PAX5: variants seen among roughly 807,000 people sequenced by gnomAD.
The protein encoded by PAX5 is paired box protein Pax-5.
A neutral mutation model predicts 43.7 loss-of-function variants in PAX5; 9 were observed. That is an observed-to-expected ratio of 0.21 (90% CI 0.12 to 0.36). The LOEUF (loss-of-function observed/expected upper bound fraction) is 0.36, where lower values mean the gene tolerates loss of function less well. Ranked by LOEUF, PAX5 falls within the 10% of genes least tolerant of loss-of-function variation. PAX5 has a pLI of 1.00. For synonymous variants in PAX5, 228 were observed against 214.3 expected (o/e 1.06, Z -0.56); for missense variants, 383 against 532.7 (o/e 0.72, Z 2.77).
intron 5 of PAX5, among the ~76,000 whole-genome samples, chr9:36,971,904 T>C (rs1834951764): frequency 6.6e-6 from 1 of 152,266 alleles, no homozygotes. Flanking sequence ...AAGAGAAAGC[T>C]GTCTCTTGTG....
intron 6 of PAX5, among the ~76,000 whole-genome samples, chr9:36,937,530 C>T (rs1320716692): frequency 6.6e-6 from 1 of 152,210 alleles, no homozygotes; most frequent in African/African-American, 2.4e-5. Context: ...AACTGCTCCA[C>T]GATGTGCCGG....
At chr9:36,874,171 C>A (rs12001929) in intron 8 of PAX5, among the ~76,000 whole-genome samples, 6,737 of 152,264 alleles carry the variant, frequency 0.044, 282 homozygotes, top group African/African-American at 0.1. Flanking sequence ...AACTACACAA[C>A]CATCGTTTCA....
intron 1 of PAX5, among the ~76,000 whole-genome samples, chr9:37,023,639 C>T (rs190894087): frequency 6.6e-6 from 1 of 152,178 alleles, no homozygotes; most frequent in African/African-American, 2.4e-5. Context: ...CTCCTCAGGC[C>T]CTGATAAGGT....
At chr9:36,888,882 C>T (rs76257985) in intron 7 of PAX5, among the ~76,000 whole-genome samples, 4,987 of 152,304 alleles carry the variant, frequency 0.033, 123 homozygotes, top group South Asian at 0.078. Context: ...GCCCCTGAGC[C>T]TTGCAGGGAG....
intron 8 of PAX5, among the ~76,000 whole-genome samples, chr9:36,852,150 G>A (rs1409459770): frequency 6.6e-6 from 1 of 152,162 alleles, no homozygotes; most frequent in African/African-American, 2.4e-5. Flanking sequence ...GTGTGGTGGG[G>A]ACTAGGTACC....
intron 6 of PAX5, among the ~76,000 whole-genome samples, chr9:36,923,997 C>T (rs1830390556): frequency 6.6e-6 from 1 of 152,170 alleles, no homozygotes; most frequent in Non-Finnish European, 1.5e-5. Flanking sequence ...TAAACTGAGG[C>T]TCAAGGGGAG....
At chr9:36,993,823 C>A (rs1837135207) in intron 5 of PAX5, among the ~76,000 whole-genome samples, 1 of 152,092 alleles carries the variant, frequency 6.6e-6, no homozygotes, top group African/African-American at 2.4e-5. Flanking sequence ...TACTGGTTGG[C>A]CCCCAAACTG....
intron 9 of PAX5, among the ~76,000 whole-genome samples, chr9:36,846,057 A>G (rs965246126): frequency 2.6e-5 from 4 of 152,116 alleles, no homozygotes; most frequent in African/African-American, 7.2e-5. Flanking sequence ...GGTGAGTGAC[A>G]TCTTTGAGCC....
At chr9:36,967,289 A>G (rs1834527308) in intron 5 of PAX5, among the ~76,000 whole-genome samples, 1 of 152,218 alleles carries the variant, frequency 6.6e-6, no homozygotes, top group African/African-American at 2.4e-5. Context: ...TGTGCTAGAC[A>G]AGTCGACAAA....
rs73648139 is a variant in PAX5 at position 36,858,868 on chromosome 9, A to G, written c.1013-11939T>C. Among the ~76,000 whole-genome samples, 688 of 152,288 alleles carry G rather than the reference A, an allele frequency of 4.5e-3. 4 individuals carry two copies. The highest frequency in any genetic ancestry group is 0.016 in the African/African-American group (654 of 41,564). ...CCTGGCTCTGCTGGGCTCAGCGCTG[A>G]GGCCTGAATGTCCCGCCGCTGACTA... On this transcript the variant is annotated intron_variant, in intron 8 of 9. Transcript: ENST00000358127.
At chr9:36,884,031 G>A (rs545067844) in intron 7 of PAX5, among the ~76,000 whole-genome samples, 20 of 152,220 alleles carry the variant, frequency 1.3e-4, no homozygotes, top group South Asian at 6.2e-4. Flanking sequence ...TTAGCTTCTT[G>A]GGAAAGTTTT....
chr9:36,986,012 C>T (rs1836369533), intron 5 of PAX5, among the ~76,000 whole-genome samples: 2 of 152,110 alleles, frequency 1.3e-5, no homozygotes, highest in Admixed American at 1.3e-4. Flanking sequence ...GCGCGTCCGC[C>T]ATCCGAACCG....
chr9:37,026,719 C>G, intron 1 of PAX5: 1 of 1,276,582 alleles, frequency 7.8e-7, no homozygotes, highest in Admixed American at 3.2e-5. Flanking sequence ...CGGGGTCTCT[C>G]TCAGAGCCTC....
Position 37,002,194 on chromosome 9 carries a change from T to C in PAX5, c.604+454A>G, listed in dbSNP as rs73438969. Among the ~76,000 whole-genome samples the C allele has an allele frequency of 2.9e-3, 434 of 152,280 alleles. 2 individuals are homozygous for C. Among genetic ancestry groups the C allele is most frequent in the African/African-American group, 9.9e-3 (411 of 41,558 alleles). ...TGTCTGCTGAGACGTGTGCAGGGCC[T>C]TTCAGAGAACCCACCCCTCCGCCCT... On this transcript the variant is annotated intron_variant, in intron 5 of 9. Transcript: ENST00000358127.
intron 6 of PAX5, among the ~76,000 whole-genome samples, chr9:36,963,633 TG>T (rs142412235): frequency 0.017 from 2,602 of 152,288 alleles, 43 homozygotes; most frequent in Non-Finnish European, 0.028. Context: ...AGTGAATCCA[TG>T]GGCGGCTTCC....
chr9:36,970,149 T>C (rs1834815647), intron 5 of PAX5, among the ~76,000 whole-genome samples: 1 of 152,172 alleles, frequency 6.6e-6, no homozygotes. Context: ...CGGTGACTGA[T>C]GCTAGGGTGA....
chr9:37,031,974 A>T (rs1333840041), intron 1 of PAX5, among the ~76,000 whole-genome samples: 1 of 152,220 alleles, frequency 6.6e-6, no homozygotes, highest in African/African-American at 2.4e-5. Flanking sequence ...ACCAGCTTGG[A>T]CAGCTTCTCA....
intron 6 of PAX5, among the ~76,000 whole-genome samples, chr9:36,964,084 TC>T (rs1272078595): frequency 2.6e-5 from 4 of 151,704 alleles, no homozygotes; most frequent in Admixed American, 2.0e-4. Flanking sequence ...ATCAAGACCA[TC>T]CCGGCTAACA....
At chr9:36,847,063 C>G (rs1022889677) in intron 8 of PAX5, 134 bp from the exon 9 acceptor site, 4 of 623,480 alleles carry the variant, frequency 6.4e-6, no homozygotes, top group Non-Finnish European at 1.2e-5. Context: ...TTGTAACCAA[C>G]AAAAGCAAGT....
Sources: gnomAD v4.1 joint callset for allele counts (sites outside exome capture counted in the v4.1 genomes callset) on GRCh38, gnomAD v4.1.1 for gene constraint, MANE v1.5 for transcripts, NCBI Gene and HGNC (gene_info 2026-07-23, HGNC 2026-07-21) for gene names.